GPBP1: variants seen among roughly 807,000 people sequenced by gnomAD.
The protein encoded by GPBP1 is GC-rich promoter binding protein 1.
GPBP1 carries 13 observed loss-of-function variants against 56.5 expected under a neutral mutation model. The observed-to-expected ratio is 0.23, with a 90% confidence interval of 0.15 to 0.37. The LOEUF is 0.37. Ranked by LOEUF, GPBP1 falls within the 10% of genes least tolerant of loss-of-function variation. The pLI is 1.00. For synonymous variants in GPBP1, 204 were observed against 188.9 expected, an observed-to-expected ratio of 1.08 and a Z score of -0.66; for missense variants, 477 against 572.3, an observed-to-expected ratio of 0.83 and a Z score of 1.70.
chr5:57,187,424 G>A lies in GPBP1; in HGVS notation c.-58+11024G>A, dbSNP rs537790877. Among the ~76,000 whole-genome samples the A allele has an allele frequency of 3.3e-5, 5 of 152,270 alleles. No homozygotes were observed. The South Asian group carries it at 1.0e-3, about 32-fold the overall frequency. On this transcript the variant is annotated intron_variant, in intron 2 of 11. Transcript: ENST00000506184. Reference sequence around the variant, plus strand: ...CTCTTCTCTCTTGAGTGCTAATTATGTGCTAGAGATTTCCTTTGCCTCAGG... The same window carrying A: ...CTCTTCTCTCTTGAGTGCTAATTATATGCTAGAGATTTCCTTTGCCTCAGG...
intron 3 of GPBP1, among the ~76,000 whole-genome samples, chr5:57,217,773 T>A (rs1409083528): frequency 2.7e-5 from 4 of 149,812 alleles, no homozygotes; most frequent in African/African-American, 9.8e-5. Flanking sequence ...ATCCCAGTAC[T>A]ATGGGAGGCT....
At chr5:57,216,061 A>G (rs1191299960) in intron 3 of GPBP1, among the ~76,000 whole-genome samples, 1 of 152,194 alleles carries the variant, frequency 6.6e-6, no homozygotes, top group Non-Finnish European at 1.5e-5. Context: ...CTACTGCCCT[A>G]TTAGATAGCT....
intron 3 of GPBP1, among the ~76,000 whole-genome samples, chr5:57,221,844 G>A (rs1755970896): frequency 6.6e-6 from 1 of 152,186 alleles, no homozygotes; most frequent in Non-Finnish European, 1.5e-5. Context: ...AATTCAGCCA[G>A]ACTGCTAGTC....
Position 57,263,514 on chromosome 5 carries a change from TAC to T in GPBP1, c.*767_*768del, listed in dbSNP as rs1255598716. On this transcript the variant is annotated 3_prime_UTR_variant, in exon 12 of 12. Transcript: ENST00000506184. ...GAGAAAACTTATTTTGATAAATTATTACACACGCAGAAAAACTGATCACACTG... is the reference window on the plus strand; with the variant it reads ...GAGAAAACTTATTTTGATAAATTATTACACGCAGAAAAACTGATCACACTG... 6.6e-6 allele frequency: 1 copy of T among 152,204 alleles called. No homozygotes were observed. The highest frequency in any genetic ancestry group is 1.5e-5 in the Non-Finnish European group (1 of 68,038). The allele number at this position is 152,204 out of a possible 1,614,324, so 9.4% of individuals were successfully genotyped here.
At chr5:57,189,285 A>C (rs1754420236) in intron 2 of GPBP1, among the ~76,000 whole-genome samples, 1 of 152,118 alleles carries the variant, frequency 6.6e-6, no homozygotes, top group African/African-American at 2.4e-5. Flanking sequence ...TGCCCAGCTA[A>C]TTTTTGTATT....
intron 2 of GPBP1, among the ~76,000 whole-genome samples, chr5:57,198,208 C>T (rs555533370): frequency 9.8e-5 from 15 of 152,318 alleles, no homozygotes; most frequent in African/African-American, 3.4e-4. Flanking sequence ...AGCAGATCAG[C>T]TTCCCACTGT....
intron 7 of GPBP1, 26 bp from the exon 8 acceptor site, chr5:57,247,037 TTTTTGATAGCCA>T (rs1294431808): frequency 6.3e-7 from 1 of 1,578,914 alleles, no homozygotes; most frequent in Non-Finnish European, 8.6e-7. Context: ...CTGTAACCTG[TTTTTGATAGCCA>T]TTAATGTTTG....
intron 10 of GPBP1, among the ~76,000 whole-genome samples, chr5:57,253,106 A>G (rs558105218): frequency 1.3e-4 from 20 of 152,336 alleles, no homozygotes; most frequent in Non-Finnish European, 1.5e-5. Context: ...TTAGAATTGA[A>G]GAGTATTCAT....
At chr5:57,209,253 G>T (rs781311232) in intron 2 of GPBP1, among the ~76,000 whole-genome samples, 2 of 152,090 alleles carry the variant, frequency 1.3e-5, no homozygotes, top group Non-Finnish European at 2.9e-5. Context: ...CATGTAATCT[G>T]TGAATAGGAA....
At chr5:57,238,634 T>A (rs1034641810) in intron 6 of GPBP1, among the ~76,000 whole-genome samples, 1 of 152,186 alleles carries the variant, frequency 6.6e-6, no homozygotes, top group South Asian at 2.1e-4. Context: ...AGTACTGTTT[T>A]TGTGCCAGTG....
chr5:57,220,460 CTTTT>C (rs5868040), intron 3 of GPBP1, among the ~76,000 whole-genome samples: 3 of 138,952 alleles, frequency 2.2e-5, no homozygotes, highest in Admixed American at 1.5e-4. Flanking sequence ...ACAATTTAAA[CTTTT>C]TTTTTTTTTT....
intron 10 of GPBP1, among the ~76,000 whole-genome samples, chr5:57,260,149 A>C (rs1050118886): frequency 2.6e-5 from 4 of 152,202 alleles, no homozygotes; most frequent in African/African-American, 9.6e-5. Flanking sequence ...ATTCAGAATC[A>C]TGTAAGCTGA....
intron 6 of GPBP1, 113 bp from the exon 7 acceptor site, chr5:57,246,187 A>G: frequency 1.6e-6 from 1 of 616,986 alleles, no homozygotes; most frequent in Non-Finnish European, 2.7e-6. Flanking sequence ...CCCAGGAGGC[A>G]GCTGTTAGTT....
At chr5:57,219,420 A>AAC (rs1554067258) in intron 3 of GPBP1, among the ~76,000 whole-genome samples, 3 of 19,052 alleles carry the variant, frequency 1.6e-4, no homozygotes, top group African/African-American at 7.5e-4. Flanking sequence ...ACAAACAAAC[A>AAC]AAAAAAAAAA....
intron 3 of GPBP1, among the ~76,000 whole-genome samples, chr5:57,224,612 AT>A (rs1275083163): frequency 2.0e-5 from 3 of 151,918 alleles, no homozygotes; most frequent in Non-Finnish European, 4.4e-5. Flanking sequence ...TGCCCAGCTA[AT>A]TTTTTTGTAG....
At chr5:57,206,963 G>A (rs952165358) in intron 2 of GPBP1, among the ~76,000 whole-genome samples, 102 of 152,094 alleles carry the variant, frequency 6.7e-4, no homozygotes, top group African/African-American at 2.4e-3. Context: ...AATTAGCTTG[G>A]TGTGGTGGGG....
chr5:57,178,936 G>GT (rs1298159561), intron 2 of GPBP1, among the ~76,000 whole-genome samples: 10 of 152,038 alleles, frequency 6.6e-5, no homozygotes, highest in Admixed American at 3.9e-4. Flanking sequence ...GATGATGATG[G>GT]TTTTTTTGCT....
At position 57,251,119 on chromosome 5, in the gene GPBP1, A is replaced by G; in HGVS notation, c.1138A>G (p.Ser380Gly). Reference protein sequence around the residue: ...STFPQTDVLSSSLEAEHRLLK... With the variant: ...STFPQTDVLSGSLEAEHRLLK... ...CTTCCCACAAACTGATGTTCTTTCA[A>G]GTTCACTTGAGGCAGAACACAGGCT... Residue 380 changes from serine (S) to glycine (G), a missense_variant, in exon 10 of 12, where the codon AGT (serine) becomes GGT (glycine). By Grantham distance (56) the Ser-to-Gly change is moderately conservative. Transcript: ENST00000506184. 6.2e-7 allele frequency: 1 copy of G among 1,609,570 alleles called. No individual in the cohort carries two copies. The highest frequency in any genetic ancestry group is 8.5e-7 in the Non-Finnish European group (1 of 1,178,658).
At chr5:57,200,226 T>G (rs1269739836) in intron 2 of GPBP1, among the ~76,000 whole-genome samples, 1 of 150,506 alleles carries the variant, frequency 6.6e-6, no homozygotes, top group Non-Finnish European at 1.5e-5. Context: ...AAGGCATGGA[T>G]GCAGGCAGGG....
Sources: gnomAD v4.1 joint callset for allele counts (sites outside exome capture counted in the v4.1 genomes callset) on GRCh38, gnomAD v4.1.1 for gene constraint, MANE v1.5 for transcripts, NCBI Gene and HGNC (gene_info 2026-07-23, HGNC 2026-07-21) for gene names.